Variants in RALY observed in about 807,000 individuals in gnomAD.
RALY encodes the protein RALY heterogeneous nuclear ribonucleoprotein.
RALY carries 15 observed loss-of-function variants against 30.7 expected under a neutral mutation model. That is an observed-to-expected ratio of 0.49 (90% confidence interval 0.33 to 0.75). The LOEUF (loss-of-function observed/expected upper bound fraction) is 0.75. Among genes scored for constraint, RALY ranks in the 30% least tolerant of loss-of-function variants. The pLI is 0.02. For missense variants in RALY, 339 were observed against 414.3 expected (o/e 0.82, Z 1.58); for synonymous variants, 177 against 170.8 (o/e 1.04, Z -0.28).
At position 34,032,483 on chromosome 20, in the gene RALY, A is replaced by G. The variant is rs183971009; in HGVS notation, c.-10+879A>G. Among the ~76,000 whole-genome samples, 3 of 148,320 alleles carry G rather than the reference A, an allele frequency of 2.0e-5. No homozygotes were observed. In the Admixed American group the frequency reaches 2.0e-4, roughly 10 times the overall value. On this transcript the variant is annotated intron_variant, in intron 2 of 9. Coordinates refer to ENST00000246194, the MANE Select transcript of RALY (RefSeq NM_016732.3). ...AGAACTTACTATGTTACTGATCTCA[A>G]TCTAGACAAAATCCCTTTTTGTGTG...
chr20:34,064,229 G>A (rs2033502125), intron 2 of RALY, among the ~76,000 whole-genome samples: 1 of 152,100 alleles, frequency 6.6e-6, no homozygotes, highest in African/African-American at 2.4e-5. Flanking sequence ...TCCCCTTCCT[G>A]GAACTATGAA....
In RALY at chr20:34,084,294, C is replaced by G. The variant is rs747194802; in HGVS notation, c.*4389C>G. 2 of 152,238 alleles carry G rather than the reference C, an allele frequency of 1.3e-5. No homozygotes were observed. Among genetic ancestry groups the G allele is most frequent in the Admixed American group, 1.3e-4 (2 of 15,278 alleles). The allele number at this position is 152,238 out of a possible 1,614,324, so 9.4% of individuals were successfully genotyped here. On this transcript the variant is annotated 3_prime_UTR_variant, in exon 10 of 10. Transcript: ENST00000246194. ...CATGATCCTGCCGCTGCACTCCAGC[C>G]TGGGTGACAAAGCGAGACCCCAACT...
chr20:34,026,255 C>A (rs2032028681), intron 1 of RALY, among the ~76,000 whole-genome samples: 1 of 152,148 alleles, frequency 6.6e-6, no homozygotes, highest in Admixed American at 6.5e-5. Context: ...TTTGGACAAG[C>A]AAACTCCCTT....
chr20:34,056,432 A>C (rs2033245367), intron 2 of RALY, among the ~76,000 whole-genome samples: 1 of 152,174 alleles, frequency 6.6e-6, no homozygotes, highest in Admixed American at 6.5e-5. Context: ...TCAAGATGAA[A>C]CATAGGTTCT....
intron 1 of RALY, among the ~76,000 whole-genome samples, chr20:34,028,198 A>G (rs2032117321): frequency 6.6e-6 from 1 of 152,106 alleles, no homozygotes; most frequent in Non-Finnish European, 1.5e-5. Context: ...AGACAGGAGA[A>G]TCGCTTGAAA....
chr20:34,060,578 C>T (rs2033387628), intron 2 of RALY, among the ~76,000 whole-genome samples: 1 of 152,194 alleles, frequency 6.6e-6, no homozygotes, highest in African/African-American at 2.4e-5. Flanking sequence ...TTCCATCTTA[C>T]AGGTAAGATA....
intron 2 of RALY, among the ~76,000 whole-genome samples, chr20:34,069,065 C>G (rs927937768): frequency 6.6e-6 from 1 of 152,218 alleles, no homozygotes; most frequent in African/African-American, 2.4e-5. Context: ...CACATACATA[C>G]ACTTCCCAAG....
intron 2 of RALY, among the ~76,000 whole-genome samples, chr20:34,052,614 G>A (rs2033114064): frequency 1.3e-5 from 2 of 152,188 alleles, no homozygotes; most frequent in Non-Finnish European, 2.9e-5. Context: ...AGGAAAATGA[G>A]GAAACAACAG....
At chr20:34,010,154 A>G (rs148358761) in intron 1 of RALY, among the ~76,000 whole-genome samples, 73 of 152,264 alleles carry the variant, frequency 4.8e-4, no homozygotes, top group African/African-American at 1.7e-3. Context: ...TGTAAGGTAG[A>G]GTGGAAGTGA....
intron 2 of RALY, among the ~76,000 whole-genome samples, chr20:34,041,350 G>C (rs1198738802): frequency 6.6e-6 from 1 of 152,216 alleles, no homozygotes; most frequent in African/African-American, 2.4e-5. Context: ...GTACTCAACA[G>C]TTTGCAAAGC....
intron 1 of RALY, among the ~76,000 whole-genome samples, chr20:33,994,560 A>G (rs1316060822): frequency 6.6e-6 from 1 of 152,160 alleles, no homozygotes; most frequent in African/African-American, 2.4e-5. Context: ...CGGCTCTCCT[A>G]ACCCGGACTG....
chr20:34,007,577 C>T (rs879648257), intron 1 of RALY, among the ~76,000 whole-genome samples: 5 of 150,608 alleles, frequency 3.3e-5, no homozygotes, highest in East Asian at 2.0e-4. Context: ...CCCAGCACTT[C>T]GGGAGGCCAA....
At chr20:34,077,371 G>T in intron 8 of RALY, 126 bp downstream of exon 8, 1 of 1,538,360 alleles carries the variant, frequency 6.5e-7, no homozygotes. Flanking sequence ...CCTTCCCAGG[G>T]GTTCTGGTCC....
chr20:34,052,736 C>T (rs2033118333), intron 2 of RALY, among the ~76,000 whole-genome samples: 1 of 152,196 alleles, frequency 6.6e-6, no homozygotes, highest in African/African-American at 2.4e-5. Flanking sequence ...GTTCTTCCTG[C>T]TGTAAGAAAT....
intron 2 of RALY, among the ~76,000 whole-genome samples, chr20:34,062,661 T>C (rs1160400352): frequency 6.6e-6 from 1 of 152,252 alleles, no homozygotes; most frequent in Non-Finnish European, 1.5e-5. Flanking sequence ...CCTTCCAACT[T>C]GTAATGGATG....
chr20:34,047,328 T>C (rs73259626), intron 2 of RALY, among the ~76,000 whole-genome samples: 2 of 152,260 alleles, frequency 1.3e-5, no homozygotes, highest in African/African-American at 4.8e-5. Context: ...AGATCAAGAA[T>C]TGGAAATTCC....
intron 3 of RALY, among the ~76,000 whole-genome samples, chr20:34,072,959 T>TGTGTGTGTGTGTGTGA (rs142692706): frequency 1.1e-4 from 17 of 148,892 alleles, no homozygotes; most frequent in African/African-American, 4.2e-4. Flanking sequence ...TGTGTGTGTG[T>TGTGTGTGTGTGTGTGA]GAGAGAGAGA....
In RALY at chr20:34,082,165, A is replaced by G. The variant is rs1370740991; in HGVS notation, c.*2260A>G. On this transcript the variant is annotated 3_prime_UTR_variant, in exon 10 of 10. Transcript: ENST00000246194. ...TCAGTGGAACATACTTCACCCATCC[A>G]TGTACCCACATCTTTCCTTGCCCAG... 6.6e-6 allele frequency: 1 copy of G among 152,366 alleles called. No homozygotes were observed. The highest frequency in any genetic ancestry group is 1.5e-5 in the Non-Finnish European group (1 of 68,142). 9.4% of individuals were successfully genotyped at this position (152,366 alleles called of 1,614,324 possible). A position where few individuals can be genotyped will look rare whatever the true frequency, so the allele number is the denominator to read the frequency against.
chr20:34,025,820 C>T (rs2032003283), intron 1 of RALY, among the ~76,000 whole-genome samples: 2 of 151,836 alleles, frequency 1.3e-5, no homozygotes, highest in Non-Finnish European at 2.9e-5. Context: ...TTGATGTCCA[C>T]ACCCAGGCTT....
Sources: gnomAD v4.1 joint callset for allele counts (sites outside exome capture counted in the v4.1 genomes callset) on GRCh38, gnomAD v4.1.1 for gene constraint, MANE v1.5 for transcripts, NCBI Gene and HGNC (gene_info 2026-07-23, HGNC 2026-07-21) for gene names.